The following KCNU1 variants were observed in gnomAD, a reference collection of about 807,000 sequenced individuals.
KCNU1 encodes the protein potassium channel subfamily U member 1.
In KCNU1, 93 loss-of-function variants were observed where a neutral mutation model predicts 126.8. The observed-to-expected ratio is 0.73, with a 90% CI of 0.62 to 0.87. The LOEUF (loss-of-function observed/expected upper bound fraction) is 0.87, where lower values mean the gene tolerates loss of function less well. Ranked by LOEUF, KCNU1 falls within the 40% of genes least tolerant of loss-of-function variation. The pLI is 0.00. For synonymous variants in KCNU1, 523 were observed against 494.2 expected (o/e 1.06, Z -0.77); for missense variants, 1,330 against 1,367.1 (o/e 0.97, Z 0.43).
At position 36,836,420 on chromosome 8, in the gene KCNU1, G is replaced by A. The variant is rs931627266; in HGVS notation, c.1365+55G>A. 9.3e-5 allele frequency: 115 copies of A among 1,231,138 alleles called. No individual in the cohort carries two copies. The East Asian group carries it at 9.9e-4, about 11-fold the overall frequency. 76.3% of individuals were successfully genotyped at this position (1,231,138 alleles called of 1,614,324 possible). On this transcript the variant is annotated intron_variant, in intron 13 of 26. Transcript: ENST00000399881. ...CCTCCTTTTATCTATATAGCTAGAC[G>A]AACTTTTTAATTTTCTAATGGATGT...
At chr8:36,789,308 G>A (rs1306171073) in intron 2 of KCNU1, among the ~76,000 whole-genome samples, 1 of 151,990 alleles carries the variant, frequency 6.6e-6, no homozygotes, top group Non-Finnish European at 1.5e-5. Flanking sequence ...GTGCTGCAGT[G>A]AGTTGTGATC....
chr8:36,889,072 T>A (rs575939298), intron 19 of KCNU1: 1 of 524,550 alleles, frequency 1.9e-6, no homozygotes, highest in Non-Finnish European at 3.9e-6. Flanking sequence ...AGAGACAGGG[T>A]TTCACCATGT....
rs1346110246 is a variant in KCNU1, at chr8:36,818,799, C to A, written c.1106+1039C>A. ...GTTCAATTCACCATAAATTTGGGCC[C>A]TCATGTATGGAATAACCGATAGCAG... On this transcript the variant is annotated intron_variant, in intron 10 of 26. Transcript: ENST00000399881. 3.9e-5 allele frequency among the ~76,000 whole-genome samples: 6 copies of A among 152,246 alleles called. No homozygotes were observed. In the East Asian group the frequency reaches 1.2e-3, roughly 29 times the overall value.
intron 2 of KCNU1, chr8:36,795,922 G>C (rs1407920979): frequency 6.6e-6 from 1 of 152,236 alleles, no homozygotes; most frequent in Non-Finnish European, 1.5e-5. Flanking sequence ...ACAAGCCCAG[G>C]CTAGGTCCCA....
At chr8:36,857,349 A>C (rs1284476632) in intron 18 of KCNU1, among the ~76,000 whole-genome samples, 4 of 152,166 alleles carry the variant, frequency 2.6e-5, no homozygotes, top group Non-Finnish European at 4.4e-5. Context: ...TAGTTTCTGC[A>C]ACACAGAGTG....
chr8:36,843,479 C>G (rs1473181852), intron 16 of KCNU1, among the ~76,000 whole-genome samples: 1 of 152,142 alleles, frequency 6.6e-6, no homozygotes, highest in Non-Finnish European at 1.5e-5. Context: ...GAGATAGGTA[C>G]TATTATTAGT....
intron 18 of KCNU1, among the ~76,000 whole-genome samples, chr8:36,862,249 G>A (rs1805758992): frequency 6.6e-6 from 1 of 152,114 alleles, no homozygotes; most frequent in South Asian, 2.1e-4. Flanking sequence ...AACAGAATGA[G>A]ATCAGAGAAA....
chr8:36,897,708 A>G (rs1344829976), intron 19 of KCNU1, among the ~76,000 whole-genome samples: 2 of 152,010 alleles, frequency 1.3e-5, no homozygotes, highest in African/African-American at 4.8e-5. Context: ...TCTACGGCCC[A>G]CTAAAAAATT....
intron 19 of KCNU1, among the ~76,000 whole-genome samples, chr8:36,901,973 T>G (rs1400557290): frequency 6.6e-6 from 1 of 152,156 alleles, no homozygotes; most frequent in East Asian, 1.9e-4. Flanking sequence ...GTTCTAAGAC[T>G]GCTAGTGCTG....
At chr8:36,889,535 G>A (rs897932045) in intron 19 of KCNU1, among the ~76,000 whole-genome samples, 5 of 152,038 alleles carry the variant, frequency 3.3e-5, no homozygotes, top group Non-Finnish European at 5.9e-5. Flanking sequence ...GAAAGAGAGG[G>A]AATAAGTACT....
chr8:36,816,222 G>A (rs923835122), intron 9 of KCNU1, among the ~76,000 whole-genome samples: 1 of 152,128 alleles, frequency 6.6e-6, no homozygotes, highest in Non-Finnish European at 1.5e-5. Flanking sequence ...CTAGATGACT[G>A]ATTTTTTTTC....
At chr8:36,861,156 C>T (rs914354249) in intron 18 of KCNU1, among the ~76,000 whole-genome samples, 46 of 152,162 alleles carry the variant, frequency 3.0e-4, no homozygotes, top group Non-Finnish European at 8.8e-5. Context: ...ATACTTTCTT[C>T]TCTAAGAGTT....
At chr8:36,900,518 G>C (rs1224769936) in intron 19 of KCNU1, among the ~76,000 whole-genome samples, 1 of 152,054 alleles carries the variant, frequency 6.6e-6, no homozygotes, top group Non-Finnish European at 1.5e-5. Flanking sequence ...ATGTGAGTAG[G>C]ATCAGGTGGG....
intron 21 of KCNU1, among the ~76,000 whole-genome samples, chr8:36,910,032 T>C (rs929434482): frequency 6.6e-6 from 1 of 152,142 alleles, no homozygotes; most frequent in Non-Finnish European, 1.5e-5. Flanking sequence ...ATTTTACTTA[T>C]GTGGTATGGC....
At chr8:36,874,979 G>A (rs1806227426) in intron 19 of KCNU1, among the ~76,000 whole-genome samples, 1 of 151,582 alleles carries the variant, frequency 6.6e-6, no homozygotes, top group Non-Finnish European at 1.5e-5. Flanking sequence ...CAATCATAAC[G>A]CAGCCAGGTT....
intron 19 of KCNU1, among the ~76,000 whole-genome samples, chr8:36,868,612 CAA>C (rs34845114): frequency 0.013 from 1,948 of 152,152 alleles, 37 homozygotes; most frequent in African/African-American, 0.045. Flanking sequence ...CTAACTTATA[CAA>C]AAGTTATTAT....
intron 19 of KCNU1, among the ~76,000 whole-genome samples, chr8:36,883,164 C>G (rs1483493654): frequency 6.6e-6 from 1 of 152,120 alleles, no homozygotes; most frequent in Non-Finnish European, 1.5e-5. Context: ...CTTTTCTTTC[C>G]TCTGGACATT....
In KCNU1 at chr8:36,811,865, G is replaced by A. The variant is rs117766806; in HGVS notation, c.733-2342G>A. On this transcript the variant is annotated intron_variant, in intron 7 of 26. Coordinates refer to ENST00000399881, the MANE Select transcript of KCNU1 (RefSeq NM_001031836.3). Reference sequence around the variant, plus strand: ...GTGCATCACTGGAGGGCAGGAGTTCGAGACCAGCCTGGCTAATGAAACCTC... The same window carrying A: ...GTGCATCACTGGAGGGCAGGAGTTCAAGACCAGCCTGGCTAATGAAACCTC... Among the ~76,000 whole-genome samples the A allele has an allele frequency of 0.019, 2,861 of 152,152 alleles. 235 individuals are homozygous for A. The East Asian group carries it at 0.26, about 14-fold the overall frequency.
chr8:36,906,025 A>G (rs1211641189), intron 20 of KCNU1, among the ~76,000 whole-genome samples: 1 of 152,112 alleles, frequency 6.6e-6, no homozygotes, highest in Non-Finnish European at 1.5e-5. Flanking sequence ...GGAATTTCAA[A>G]CAATTATATG....
Sources: gnomAD v4.1 joint callset for allele counts (sites outside exome capture counted in the v4.1 genomes callset) on GRCh38, gnomAD v4.1.1 for gene constraint, MANE v1.5 for transcripts, NCBI Gene and HGNC (gene_info 2026-07-23, HGNC 2026-07-21) for gene names.